The following PAK3 variants were observed in gnomAD, a reference collection of about 807,000 sequenced individuals.
The protein encoded by PAK3 is serine/threonine-protein kinase PAK 3.
Under a neutral mutation model 41.0 loss-of-function variants are expected in PAK3, and 4 were observed. The observed-to-expected ratio is 0.10, with a 90% CI of 0.05 to 0.22. PAK3 has a LOEUF of 0.22. PAK3 is among the 10% of genes least tolerant of loss of function. The pLI, the probability that PAK3 is intolerant of heterozygous loss-of-function variation, is 1.00. For synonymous variants in PAK3, 146 were observed against 139.6 expected, an observed-to-expected ratio of 1.05 and a Z score of -0.32; for missense variants, 205 against 409.9, an observed-to-expected ratio of 0.50 and a Z score of 4.32.
At chrX:111,216,309 G>A (rs1318583723) in intron 16 of PAK3, 112 bp from the exon 17 acceptor site, 1 of 540,775 alleles carries the variant, frequency 1.8e-6, no homozygotes, top group Middle Eastern at 4.5e-4. Flanking sequence ...CTCTAAAGTG[G>A]AATTATTAAG....
In PAK3 at chrX:111,121,329, C is replaced by T. The variant is rs188645903; in HGVS notation, c.-27-1748C>T. 2.7e-5 allele frequency among the ~76,000 whole-genome samples: 3 copies of T among 111,360 alleles called. No homozygotes were observed. The East Asian group carries it at 8.5e-4, about 31-fold the overall frequency. On this transcript the variant is annotated intron_variant, in intron 4 of 17. Transcript: ENST00000372007. Reference sequence around the variant, plus strand: ...AGCAAAACAAAAGCGATCTCCCGTTCAAATCAAAATCAAACCAATTGTTAG... The same window carrying T: ...AGCAAAACAAAAGCGATCTCCCGTTTAAATCAAAATCAAACCAATTGTTAG...
intron 1 of PAK3, among the ~76,000 whole-genome samples, chrX:111,044,653 C>G (rs939811353): frequency 8.9e-6 from 1 of 111,913 alleles, no homozygotes; most frequent in African/African-American, 3.2e-5. Context: ...TCTCCTCTGC[C>G]GTCTGCCATT....
Position 111,211,340 on chromosome X carries a change from C to A in PAK3, c.1408-5081C>A, listed in dbSNP as rs1199939362. ...AATGATCCTCTGGTTCCAGTGAAAC[C>A]TTGCTTGGAAGCACAAATAAATGGA... is the stretch of plus-strand genomic sequence containing the variant. On this transcript the variant is annotated intron_variant, in intron 16 of 17. Coordinates refer to ENST00000372007, the MANE Select transcript of PAK3 (RefSeq NM_002578.5). 2.7e-5 allele frequency among the ~76,000 whole-genome samples: 3 copies of A among 111,011 alleles called. No homozygotes were observed. In the Admixed American group the frequency reaches 2.9e-4, roughly 11 times the overall value.
At chrX:111,144,877 C>A in intron 6 of PAK3, 1 of 1,151,354 alleles carries the variant, frequency 8.7e-7, no homozygotes, top group Non-Finnish European at 1.2e-6. Context: ...CTTTCCAGAC[C>A]TCTAGACCTG....
intron 16 of PAK3, among the ~76,000 whole-genome samples, chrX:111,213,333 C>A (rs896541974): frequency 2.7e-5 from 3 of 112,035 alleles, no homozygotes; most frequent in African/African-American, 9.7e-5. Flanking sequence ...GCTTTCTTCT[C>A]CCTTGATGTA....
In PAK3 at chrX:111,220,975, A is replaced by G. The variant is rs1686818467; in HGVS notation, c.*528A>G. On this transcript the variant is annotated 3_prime_UTR_variant, in exon 18 of 18. Transcript: ENST00000372007. Reference sequence around the variant, plus strand: ...AAAAAAAAAAAAACAAACAAAAACAAAAACAAAACAAAAACAAGCAAACAA... The same window carrying G: ...AAAAAAAAAAAAACAAACAAAAACAGAAACAAAACAAAAACAAGCAAACAA... 8.8e-6 allele frequency: 1 copy of G among 113,139 alleles called. No homozygotes were observed. Among genetic ancestry groups the G allele is most frequent in the Non-Finnish European group, 1.8e-5 (1 of 54,590 alleles). The allele number at this position is 113,139 out of a possible 1,213,427, so 9.3% of individuals were successfully genotyped here. A position where few individuals can be genotyped will look rare whatever the true frequency, so the allele number is the denominator to read the frequency against.
chrX:111,207,877 C>A (rs2094771786), intron 16 of PAK3, among the ~76,000 whole-genome samples: 1 of 112,329 alleles, frequency 8.9e-6, no homozygotes, highest in East Asian at 2.8e-4. Context: ...TCACTGCAAC[C>A]TCCAACCCCC....
intron 1 of PAK3, among the ~76,000 whole-genome samples, chrX:110,993,756 A>G (rs956676418): frequency 4.5e-5 from 5 of 111,608 alleles, no homozygotes; most frequent in African/African-American, 1.3e-4. Flanking sequence ...AAATTCTAGT[A>G]TTGTTTTTTC....
chrX:111,202,927 T>C (rs1295803545), intron 16 of PAK3, among the ~76,000 whole-genome samples: 2 of 112,009 alleles, frequency 1.8e-5, no homozygotes, highest in Admixed American at 1.9e-4. Context: ...GTATCGAAGA[T>C]TGGATCGCTG....
At chrX:111,195,379 C>A (rs1282862433) in intron 14 of PAK3, among the ~76,000 whole-genome samples, 1 of 111,962 alleles carries the variant, frequency 8.9e-6, no homozygotes, top group Non-Finnish European at 1.9e-5. Context: ...TACTTCATAG[C>A]CTAGGAGTGG....
intron 1 of PAK3, among the ~76,000 whole-genome samples, chrX:111,002,627 ACT>A (rs1489434206): frequency 9.0e-6 from 1 of 111,183 alleles, no homozygotes; most frequent in African/African-American, 3.3e-5. Context: ...CAATGGACAA[ACT>A]CTGAATTCTA....
At chrX:111,141,157 A>T (rs1486601557) in intron 5 of PAK3, among the ~76,000 whole-genome samples, 1 of 111,418 alleles carries the variant, frequency 9.0e-6, no homozygotes, top group Non-Finnish European at 1.9e-5. Flanking sequence ...TATGGAAGCG[A>T]CTAGATGCCA....
chrX:111,029,801 A>T (rs1233724572), intron 1 of PAK3, among the ~76,000 whole-genome samples: 2 of 111,957 alleles, frequency 1.8e-5, no homozygotes, highest in African/African-American at 6.5e-5. Context: ...GGTTTACAGC[A>T]TTGCACTATA....
intron 1 of PAK3, among the ~76,000 whole-genome samples, chrX:111,004,027 TA>T (rs1349760808): frequency 9.0e-6 from 1 of 111,225 alleles, no homozygotes; most frequent in Admixed American, 9.5e-5. Context: ...GGAGAAAGAG[TA>T]AATGAGATAA....
chrX:111,050,188 T>C (rs2092543678), intron 1 of PAK3, among the ~76,000 whole-genome samples: 1 of 111,300 alleles, frequency 9.0e-6, no homozygotes, highest in African/African-American at 3.3e-5. Flanking sequence ...CTTGAATAAC[T>C]CTGTGGATGT....
intron 1 of PAK3, among the ~76,000 whole-genome samples, chrX:111,068,300 AT>A (rs2092716038): frequency 9.1e-6 from 1 of 110,082 alleles, no homozygotes; most frequent in Non-Finnish European, 1.9e-5. Flanking sequence ...GGCTTGTTTT[AT>A]TTTTATTTTA....
intron 1 of PAK3, among the ~76,000 whole-genome samples, chrX:110,980,141 T>C (rs1373962860): frequency 8.9e-6 from 1 of 112,219 alleles, no homozygotes. Flanking sequence ...CCTGACTTCC[T>C]CTTCCATTTA....
chrX:111,068,773 A>G (rs1427224680), intron 1 of PAK3, among the ~76,000 whole-genome samples: 1 of 112,953 alleles, frequency 8.9e-6, no homozygotes, highest in Non-Finnish European at 1.9e-5. Context: ...TTCACTCATC[A>G]TCTTTGATTG....
chrX:110,965,967 C>T (rs2091073450), intron 1 of PAK3, among the ~76,000 whole-genome samples: 1 of 111,749 alleles, frequency 8.9e-6, no homozygotes, highest in Admixed American at 9.5e-5. Flanking sequence ...GCTCCAGAGG[C>T]CACGTCGTAT....
Sources: allele counts gnomAD v4.1 joint callset (sites outside exome capture counted in the v4.1 genomes callset), GRCh38; gene constraint gnomAD v4.1.1; transcripts MANE v1.5; gene names NCBI Gene and HGNC (gene_info 2026-07-23, HGNC 2026-07-21).